The following RAB37 variants were observed in gnomAD, a reference collection of about 807,000 sequenced individuals.
RAB37 encodes the protein ras-related protein Rab-37.
In RAB37, 29 loss-of-function variants were observed where a neutral mutation model predicts 33.1. The observed-to-expected ratio is 0.88, with a 90% CI of 0.65 to 1.20. RAB37 has a LOEUF of 1.20. Among genes scored for constraint, RAB37 ranks in the 50% most tolerant of loss-of-function variants. The pLI is 0.00. For missense variants in RAB37, 299 were observed against 301.1 expected, an observed-to-expected ratio of 0.99 and a Z score of 0.05; for synonymous variants, 128 against 119.5, an observed-to-expected ratio of 1.07 and a Z score of -0.47.
rs2031695254 is a variant in RAB37 at position 74,671,159 on chromosome 17, A to G, written c.-428A>G. 2 of 181,680 alleles carry G rather than the reference A, an allele frequency of 1.1e-5. No individual in the cohort carries two copies. Among genetic ancestry groups the G allele is most frequent in the Non-Finnish European group, 2.4e-5 (2 of 84,922 alleles). 11.3% of individuals were successfully genotyped at this position (181,680 alleles called of 1,614,324 possible). A position where few individuals can be genotyped will look rare whatever the true frequency, so the allele number is the denominator to read the frequency against. On this transcript the variant is annotated 5_prime_UTR_variant, in exon 1 of 8. Coordinates refer to the RAB37 transcript ENST00000340415. This position sits in a 1 kb window ranked among gnomAD's most constrained non-coding sequence, Gnocchi z 5.0. ...GATGCCCGTTCGCTCGGGATCAGGA[A>G]CGGTGAGCTCCTGGGACCGCAATGC...
At chr17:74,704,016 T>C (rs2033296328) in intron 1 of RAB37, among the ~76,000 whole-genome samples, 1 of 152,226 alleles carries the variant, frequency 6.6e-6, no homozygotes, top group African/African-American at 2.4e-5. Flanking sequence ...ACCCCGACTA[T>C]GCTGAGCCTC....
intron 1 of RAB37, chr17:74,694,376 A>G (rs1266400966): frequency 6.6e-6 from 1 of 152,230 alleles, no homozygotes; most frequent in Non-Finnish European, 1.5e-5. Flanking sequence ...GCTCAAGATC[A>G]GTTTCAATGG....
chr17:74,746,671 G>C lies in RAB37; in HGVS notation c.*1260G>C, dbSNP rs1295104589. ...TTGGAATGTGTTGTGAAAAAAAAGA[G>C]AAATCCCTGGCTCCTGGAGCTGGTG... On this transcript the variant is annotated 3_prime_UTR_variant, in exon 9 of 9. Transcript: ENST00000392613. This position sits in a 1 kb window ranked among gnomAD's most constrained non-coding sequence, Gnocchi z 5.2. 1.3e-5 allele frequency: 2 copies of C among 151,956 alleles called. No homozygotes were observed. The highest frequency in any genetic ancestry group is 4.9e-5 in the African/African-American group (2 of 41,226). 9.4% of individuals were successfully genotyped at this position (151,956 alleles called of 1,614,324 possible). A position where few individuals can be genotyped will look rare whatever the true frequency, so the allele number is the denominator to read the frequency against.
rs1010905480 is a variant in RAB37 at position 74,742,132 on chromosome 17, G to C, written c.205-122G>C. ...CTGCCCTGATGGTATGATCTGGCTG[G>C]AGACGGTTCTGGGGCTCACTGCACC... On this transcript the variant is annotated intron_variant, in intron 2 of 8. Transcript: ENST00000392613. The surrounding 1 kb of genome is among the most constrained non-coding windows in gnomAD (Gnocchi z 4.0). 1.7e-6 allele frequency: 2 copies of C among 1,202,582 alleles called. No individual in the cohort carries two copies. The highest frequency in any genetic ancestry group is 2.4e-6 in the Non-Finnish European group (2 of 847,570). 74.5% of individuals were successfully genotyped at this position (1,202,582 alleles called of 1,614,324 possible).
At chr17:74,689,498 T>A (rs956675401) in intron 1 of RAB37, among the ~76,000 whole-genome samples, 1 of 152,158 alleles carries the variant, frequency 6.6e-6, no homozygotes, top group African/African-American at 2.4e-5. Flanking sequence ...ATCTCTTTTA[T>A]GAGTTCCGGG....
chr17:74,705,217 A>C, intron 1 of RAB37: 2 of 702,398 alleles, frequency 2.8e-6, no homozygotes. Flanking sequence ...GACTCTTAGC[A>C]CTGATGACCC....
At chr17:74,728,386 T>C (rs532787906) in intron 1 of RAB37, among the ~76,000 whole-genome samples, 1 of 151,870 alleles carries the variant, frequency 6.6e-6, no homozygotes, top group East Asian at 1.9e-4. Flanking sequence ...TGTGTGTATG[T>C]GTATCTGTGT....
At chr17:74,695,815 G>T in intron 1 of RAB37, 1 of 1,614,170 alleles carries the variant, frequency 6.2e-7, no homozygotes, top group South Asian at 1.1e-5. Context: ...CCAGCTGCAG[G>T]GTCAGGTCTG....
upstream of RAB37, chr17:74,737,105 AG>A (rs2034491308): frequency 6.2e-7 from 1 of 1,600,534 alleles, no homozygotes; most frequent in Non-Finnish European, 8.5e-7. Flanking sequence ...GCGTGCCCTC[AG>A]GGAACAGCAA....
Position 74,729,095 on chromosome 17 carries a change from T to C in RAB37, c.73-161T>C, listed in dbSNP as rs1306442164. On this transcript the variant is annotated intron_variant, in intron 1 of 7. Transcript: ENST00000340415. The surrounding 1 kb of genome is among the most constrained non-coding windows in gnomAD (Gnocchi z 4.2). ...GTGTGTACATGTTTTTCTATGTCTG[T>C]ATGTGTGTGTCAGTGTCTTGTGTGT... is the stretch of plus-strand genomic sequence containing the variant. 6.6e-6 allele frequency among the ~76,000 whole-genome samples: 1 copy of C among 152,112 alleles called. No individual in the cohort carries two copies. The highest frequency in any genetic ancestry group is 2.4e-5 in the African/African-American group (1 of 41,412).
intron 1 of RAB37, among the ~76,000 whole-genome samples, chr17:74,728,686 G>T (rs2034340555): frequency 6.6e-6 from 1 of 151,046 alleles, no homozygotes; most frequent in Non-Finnish European, 1.5e-5. Flanking sequence ...GTGTGTGCAT[G>T]TGTGTTCTGT....
At chr17:74,718,350 ATATC>A (rs2034195255) in intron 1 of RAB37, among the ~76,000 whole-genome samples, 1 of 151,792 alleles carries the variant, frequency 6.6e-6, no homozygotes, top group East Asian at 1.9e-4. Flanking sequence ...ATATCATATC[ATATC>A]ATATCATATC....
intron 1 of RAB37, among the ~76,000 whole-genome samples, chr17:74,711,906 CTTTT>C (rs71361629): frequency 8.1e-6 from 1 of 123,668 alleles, no homozygotes; most frequent in Non-Finnish European, 1.7e-5. Flanking sequence ...TTTCTTTTTT[CTTTT>C]TTTTTTTTTT....
At chr17:74,726,197 C>T (rs972366681) in intron 1 of RAB37, among the ~76,000 whole-genome samples, 2 of 149,562 alleles carry the variant, frequency 1.3e-5, no homozygotes, top group Non-Finnish European at 3.0e-5. Flanking sequence ...ATTGTGACAC[C>T]GCATTCCAGC....
intron 1 of RAB37, among the ~76,000 whole-genome samples, chr17:74,710,791 TG>T (rs1038374305): frequency 4.0e-5 from 6 of 151,202 alleles, no homozygotes; most frequent in Admixed American, 2.6e-4. Context: ...CACTTGAATC[TG>T]GGAGGCAGAG....
In RAB37 at chr17:74,745,297, T is replaced by G; in HGVS notation, c.567-9T>G. The G allele has an allele frequency of 1.2e-6, 2 of 1,610,164 alleles. No homozygotes were observed. The highest frequency in any genetic ancestry group is 1.7e-6 in the Non-Finnish European group (2 of 1,176,646). On this transcript the variant is annotated splice_polypyrimidine_tract_variant and intron_variant, in intron 8 of 8. Transcript: ENST00000392613. The surrounding 1 kb of genome is among the most constrained non-coding windows in gnomAD (Gnocchi z 4.5). ...CCAGCCCAGCCCAGCCCATTGTCTCTTCTTCAAGGGAACTGAAATACCGGG... is the reference window on the plus strand; with the variant it reads ...CCAGCCCAGCCCAGCCCATTGTCTCGTCTTCAAGGGAACTGAAATACCGGG...
intron 1 of RAB37, chr17:74,698,344 C>G (rs761033751): frequency 1.3e-6 from 2 of 1,540,478 alleles, no homozygotes; most frequent in Non-Finnish European, 9.0e-7. Flanking sequence ...CCAGTCTCAG[C>G]CCAGCCTCAC....
chr17:74,735,614 C>A (rs1439983188), upstream of RAB37, among the ~76,000 whole-genome samples: 2 of 152,232 alleles, frequency 1.3e-5, no homozygotes, highest in Non-Finnish European at 2.9e-5. Context: ...ACCAACACCA[C>A]GCCTCTGTAG....
At chr17:74,695,656 C>T (rs1598200883) in intron 1 of RAB37, 1 of 1,607,374 alleles carries the variant, frequency 6.2e-7, no homozygotes, top group Non-Finnish European at 8.5e-7. Context: ...GCCCACCCTC[C>T]AACGGGGTGC....
Sources: gnomAD v4.1 joint callset for allele counts (sites outside exome capture counted in the v4.1 genomes callset) on GRCh38, gnomAD v4.1.1 for gene constraint, Gnocchi (gnomAD v3.1) non-coding constraint, MANE v1.5 for transcripts, NCBI Gene and HGNC (gene_info 2026-07-23, HGNC 2026-07-21) for gene names.